The following XIRP2 variants were observed in gnomAD, a reference collection of about 807,000 sequenced individuals.
XIRP2 encodes xin actin-binding repeat-containing protein 2.
XIRP2 carries 236 observed loss-of-function variants against 277.0 expected under a neutral mutation model. The observed-to-expected ratio is 0.85, with a 90% CI of 0.77 to 0.95. The LOEUF is 0.95. Ranked by LOEUF, XIRP2 falls within the 40% of genes least tolerant of loss-of-function variation. The pLI is 0.00. For synonymous variants in XIRP2, 1,490 were observed against 1,416.5 expected (o/e 1.05, Z -1.17); for missense variants, 4,640 against 4,157.5 (o/e 1.12, Z -3.19).
At chr2:167,070,527 T>C (rs959048459) in intron 2 of XIRP2, among the ~76,000 whole-genome samples, 9 of 152,196 alleles carry the variant, frequency 5.9e-5, no homozygotes, top group Non-Finnish European at 1.3e-4. Flanking sequence ...TTTTCATGTA[T>C]TGTAAATTTA....
Position 166,970,203 on chromosome 2 carries a change from AT to A in XIRP2, c.408+66314del, listed in dbSNP as rs765583942. Among the ~76,000 whole-genome samples, 316 of 152,132 alleles carry A rather than the reference AT, an allele frequency of 2.1e-3. 5 individuals carry two copies. Among genetic ancestry groups the A allele is most frequent in the Non-Finnish European group, 5.6e-4 (38 of 67,946 alleles). ...TTAGTATTTTTACCCTTACTTTTTG[AT>A]AACTATCTTTAGGATATGAAAAGTT... is the stretch of plus-strand genomic sequence containing the variant. On this transcript the variant is annotated intron_variant, in intron 2 of 10. Transcript: ENST00000409195.
At chr2:167,109,895 G>A (rs1307523604) in intron 2 of XIRP2, among the ~76,000 whole-genome samples, 1 of 151,856 alleles carries the variant, frequency 6.6e-6, no homozygotes, top group African/African-American at 2.4e-5. Flanking sequence ...ATCTCTTTGT[G>A]GTTTTAATTT....
At chr2:167,054,364 C>T (rs556065390) in intron 2 of XIRP2, among the ~76,000 whole-genome samples, 2 of 152,280 alleles carry the variant, frequency 1.3e-5, no homozygotes, top group Admixed American at 6.5e-5. Flanking sequence ...AACTGACCCA[C>T]TAGTGGTTCA....
intron 2 of XIRP2, among the ~76,000 whole-genome samples, chr2:167,109,267 A>G (rs1292045811): frequency 6.6e-6 from 1 of 151,820 alleles, no homozygotes; most frequent in Non-Finnish European, 1.5e-5. Context: ...TTTGCACCAC[A>G]TTTTCTTCTC....
chr2:166,901,975 T>A (rs904606052), intron 1 of XIRP2, among the ~76,000 whole-genome samples: 2 of 152,116 alleles, frequency 1.3e-5, no homozygotes, highest in African/African-American at 4.8e-5. Flanking sequence ...GAGATAGAGC[T>A]GGGAGTGGAT....
At chr2:167,122,016 T>C (rs1406308654) in intron 2 of XIRP2, among the ~76,000 whole-genome samples, 1 of 152,146 alleles carries the variant, frequency 6.6e-6, no homozygotes. Flanking sequence ...TTATGAAACA[T>C]ACCATTTTCA....
intron 2 of XIRP2, among the ~76,000 whole-genome samples, chr2:167,065,183 A>T (rs951235070): frequency 6.6e-6 from 1 of 151,888 alleles, no homozygotes; most frequent in Non-Finnish European, 1.5e-5. Context: ...TTTTATTTTG[A>T]CAGTAGCCAA....
chr2:167,232,269 A>G (rs1478457525), intron 5 of XIRP2, among the ~76,000 whole-genome samples: 1 of 152,022 alleles, frequency 6.6e-6, no homozygotes, highest in Non-Finnish European at 1.5e-5. Flanking sequence ...TTCATGAAAG[A>G]CGAAGTGTAA....
chr2:167,088,225 C>T (rs1019437644), intron 2 of XIRP2, among the ~76,000 whole-genome samples: 2 of 152,112 alleles, frequency 1.3e-5, no homozygotes, highest in African/African-American at 4.8e-5. Context: ...ATGCTCCTTT[C>T]CCTGCACCAT....
intron 2 of XIRP2, among the ~76,000 whole-genome samples, chr2:167,003,443 A>G (rs1687423957): frequency 6.6e-6 from 1 of 151,858 alleles, no homozygotes; most frequent in South Asian, 2.1e-4. Flanking sequence ...ATTTGAGCTG[A>G]TTATTAATGT....
At chr2:166,933,024 C>T (rs1308053766) in intron 2 of XIRP2, among the ~76,000 whole-genome samples, 3 of 151,858 alleles carry the variant, frequency 2.0e-5, no homozygotes, top group South Asian at 2.1e-4. Flanking sequence ...TGTATTTATT[C>T]CTTCCTGTTT....
rs1458856761 is a variant in XIRP2 at position 166,973,555 on chromosome 2, A to G, written c.408+69665A>G. Among the ~76,000 whole-genome samples the G allele has an allele frequency of 3.9e-5, 6 of 152,168 alleles. No individual in the cohort carries two copies. In the East Asian group the frequency reaches 1.2e-3, roughly 29 times the overall value. Reference sequence around the variant, plus strand: ...GTATCAAACTCAGGTCAATCTGACTATCAGATCCAAAATCCATGCAATGCC... The same window carrying G: ...GTATCAAACTCAGGTCAATCTGACTGTCAGATCCAAAATCCATGCAATGCC... On this transcript the variant is annotated intron_variant, in intron 2 of 10. Transcript: ENST00000409195.
At chr2:167,092,003 G>A (rs1007470992) in intron 2 of XIRP2, among the ~76,000 whole-genome samples, 2 of 152,134 alleles carry the variant, frequency 1.3e-5, no homozygotes, top group Non-Finnish European at 1.5e-5. Context: ...GTGTTGACTT[G>A]TTGGGCCAAG....
intron 2 of XIRP2, among the ~76,000 whole-genome samples, chr2:166,951,645 C>T (rs1204490038): frequency 6.6e-6 from 1 of 151,912 alleles, no homozygotes; most frequent in African/African-American, 2.4e-5. Context: ...TTTCTTTTGT[C>T]ATGGTCAAAA....
intron 3 of XIRP2, among the ~76,000 whole-genome samples, chr2:167,195,282 C>T (rs1359623153): frequency 6.6e-6 from 1 of 152,224 alleles, no homozygotes; most frequent in Admixed American, 6.5e-5. Flanking sequence ...CTGAATTCTT[C>T]AACCATCTCA....
chr2:166,903,432 G>A, intron 1 of XIRP2, 33 bp from the exon 2 acceptor site: 1 of 1,563,490 alleles, frequency 6.4e-7, no homozygotes, highest in Non-Finnish European at 8.7e-7. Flanking sequence ...ACTCCTGAGT[G>A]TATCACTGAT....
At chr2:167,195,279 C>A (rs77816235) in intron 3 of XIRP2, among the ~76,000 whole-genome samples, 11,707 of 152,242 alleles carry the variant, frequency 0.077, 504 homozygotes, top group South Asian at 0.15. Flanking sequence ...AAACTGAATT[C>A]TTCAACCATC....
At position 166,903,541 on chromosome 2, in the gene XIRP2, A is replaced by G. The variant is rs1558909295; in HGVS notation, c.59A>G (p.Asp20Gly). Residue 20 changes from aspartate (D) to glycine (G), a missense_variant, in exon 2 of 11, where the codon GAT (aspartate) becomes GGT (glycine). Physicochemically the swap from Asp to Gly is moderately conservative, Grantham distance 94. Coordinates refer to ENST00000409195, the MANE Select transcript of XIRP2 (RefSeq NM_152381.6). ...CTGAGGCAGAAATGGGAATCTTGTG[A>G]TTATCAGAGAAGTGAGTGTCATCCC... ...NLLRQKWESCDYQRSECHPRD... is the reference protein window; with the variant it reads ...NLLRQKWESCGYQRSECHPRD... The G allele has an allele frequency of 6.2e-7, 1 of 1,613,576 alleles. No homozygotes were observed. The highest frequency in any genetic ancestry group is 1.7e-5 in the Admixed American group (1 of 59,904).
At chr2:167,127,389 G>A (rs577429818) in intron 2 of XIRP2, among the ~76,000 whole-genome samples, 2 of 152,280 alleles carry the variant, frequency 1.3e-5, no homozygotes, top group African/African-American at 4.8e-5. Context: ...CTGACAGATA[G>A]AGAAAAGTGT....
Sources: gnomAD v4.1 joint callset for allele counts (sites outside exome capture counted in the v4.1 genomes callset) on GRCh38, gnomAD v4.1.1 for gene constraint, MANE v1.5 for transcripts, NCBI Gene and HGNC (gene_info 2026-07-23, HGNC 2026-07-21) for gene names.